Variants in ANTXR2 observed in about 807,000 individuals in gnomAD.
The protein encoded by ANTXR2 is ANTXR cell adhesion molecule 2.
ANTXR2 carries 44 observed loss-of-function variants against 73.7 expected under a neutral mutation model. The observed-to-expected ratio is 0.60, with a 90% CI of 0.47 to 0.77. The LOEUF (loss-of-function observed/expected upper bound fraction) is 0.77, where lower values mean the gene tolerates loss of function less well. Among genes scored for constraint, ANTXR2 ranks in the 30% least tolerant of loss-of-function variants. ANTXR2 has a pLI of 0.00. For missense variants in ANTXR2, 604 were observed against 592.5 expected, an observed-to-expected ratio of 1.02 and a Z score of -0.20; for synonymous variants, 217 against 205.9, an observed-to-expected ratio of 1.05 and a Z score of -0.46.
At chr4:80,040,806 C>A (rs1366498142) in intron 7 of ANTXR2, among the ~76,000 whole-genome samples, 7 of 151,342 alleles carry the variant, frequency 4.6e-5, no homozygotes, top group African/African-American at 1.2e-4. Flanking sequence ...CCTGATATCA[C>A]CATGAAAAAG....
At chr4:80,054,671 C>T (rs539619183) in intron 6 of ANTXR2, among the ~76,000 whole-genome samples, 18 of 151,658 alleles carry the variant, frequency 1.2e-4, no homozygotes, top group African/African-American at 3.4e-4. Flanking sequence ...AAAATTTAAA[C>T]GTAAAATAAC....
chr4:80,069,367 G>A (rs1734673911), intron 3 of ANTXR2, 69 bp downstream of exon 3: 2 of 1,277,724 alleles, frequency 1.6e-6, no homozygotes, highest in African/African-American at 1.5e-5. Flanking sequence ...ATCACCACTT[G>A]GAAATATCAA....
At chr4:80,034,423 T>C (rs992130599) in intron 8 of ANTXR2, among the ~76,000 whole-genome samples, 4 of 152,014 alleles carry the variant, frequency 2.6e-5, no homozygotes, top group African/African-American at 9.7e-5. Context: ...ATTAGACAGA[T>C]CCAAATCAGA....
intron 10 of ANTXR2, among the ~76,000 whole-genome samples, chr4:80,030,127 T>C (rs1301883716): frequency 5.3e-5 from 8 of 151,960 alleles, no homozygotes; most frequent in Non-Finnish European, 8.8e-5. Flanking sequence ...GGTAGCAGTA[T>C]AGGTAGAAAG....
At chr4:80,058,683 A>AT (rs1427834214) in intron 3 of ANTXR2, among the ~76,000 whole-genome samples, 2 of 151,826 alleles carry the variant, frequency 1.3e-5, no homozygotes, top group Non-Finnish European at 2.9e-5. Flanking sequence ...TAATGTTAAA[A>AT]AAAAAAGCCT....
chr4:80,006,759 A>G (rs1461622701), intron 12 of ANTXR2, among the ~76,000 whole-genome samples: 1 of 152,132 alleles, frequency 6.6e-6, no homozygotes, highest in Non-Finnish European at 1.5e-5. Context: ...ATATTTGAGC[A>G]CATTTCATTT....
intron 14 of ANTXR2, among the ~76,000 whole-genome samples, chr4:79,983,099 G>A (rs1052204706): frequency 1.3e-5 from 2 of 152,060 alleles, no homozygotes; most frequent in Admixed American, 6.5e-5. Context: ...TAATCAGAAG[G>A]AAAATTATGA....
intron 16 of ANTXR2, among the ~76,000 whole-genome samples, chr4:79,963,203 T>A (rs889969240): frequency 1.3e-5 from 2 of 152,138 alleles, no homozygotes; most frequent in Non-Finnish European, 2.9e-5. Flanking sequence ...GCAAGGCCAG[T>A]GTGAGCCTGA....
At chr4:79,995,065 C>G (rs772536311) in intron 12 of ANTXR2, among the ~76,000 whole-genome samples, 29 of 152,030 alleles carry the variant, frequency 1.9e-4, no homozygotes, top group East Asian at 3.9e-4. Context: ...CCCACCAACT[C>G]CCTGTTGTTT....
At position 79,926,215 on chromosome 4, in the gene ANTXR2, A is replaced by G. The variant is rs1727774911; in HGVS notation, c.1429-18748T>C. On this transcript the variant is annotated intron_variant, in intron 16 of 16. Coordinates refer to ENST00000403729, the MANE Select transcript of ANTXR2 (RefSeq NM_058172.6). ...AGAATTAACACCCTATATTTGGTTC[A>G]CATGTTCTTGTGTATGTTTCTGAAG... Among the ~76,000 whole-genome samples the G allele has an allele frequency of 2.6e-5, 4 of 152,134 alleles. No individual in the cohort carries two copies. The South Asian group carries it at 8.3e-4, about 31-fold the overall frequency.
At chr4:79,933,906 G>T (rs1168845184) in intron 16 of ANTXR2, among the ~76,000 whole-genome samples, 14 of 151,318 alleles carry the variant, frequency 9.3e-5, no homozygotes, top group South Asian at 4.2e-4. Context: ...GGCTAATTTT[G>T]TTTTTGTATT....
At chr4:79,916,713 T>C (rs1727367973) in intron 16 of ANTXR2, among the ~76,000 whole-genome samples, 2 of 152,072 alleles carry the variant, frequency 1.3e-5, no homozygotes, top group African/African-American at 4.8e-5. Context: ...ATGCTATAAA[T>C]AATATACATC....
At chr4:79,913,871 A>G (rs1727244590) in intron 16 of ANTXR2, among the ~76,000 whole-genome samples, 1 of 152,116 alleles carries the variant, frequency 6.6e-6, no homozygotes, top group African/African-American at 2.4e-5. Flanking sequence ...ACTCTTATCT[A>G]TCTTTTAAAA....
intron 16 of ANTXR2, among the ~76,000 whole-genome samples, chr4:79,973,181 G>T (rs1257326986): frequency 6.6e-6 from 1 of 152,172 alleles, no homozygotes; most frequent in East Asian, 1.9e-4. Context: ...AAAATAGTAT[G>T]GTTTCCTAAT....
intron 7 of ANTXR2, among the ~76,000 whole-genome samples, chr4:80,048,071 A>T (rs1276214536): frequency 6.6e-6 from 1 of 151,622 alleles, no homozygotes; most frequent in African/African-American, 2.4e-5. Context: ...AAGAACTTGC[A>T]TAGATTTTTA....
Position 80,005,336 on chromosome 4 carries a change from AAAAAG to A in ANTXR2, c.1041+3180_1041+3184del, listed in dbSNP as rs139571738. ...ACTAGTTCTTAAAACATATTCAAGC[AAAAAG>A]AAATTTGCACAACACCACGCTGATA... is the stretch of plus-strand genomic sequence containing the variant. On this transcript the variant is annotated intron_variant, in intron 12 of 16. Transcript: ENST00000403729. Among the ~76,000 whole-genome samples, 130 of 152,284 alleles carry A rather than the reference AAAAAG, an allele frequency of 8.5e-4. 1 individual carries two copies. The highest frequency in any genetic ancestry group is 3.0e-3 in the African/African-American group (125 of 41,566).
At chr4:79,976,236 T>A (rs1181057526) in intron 16 of ANTXR2, among the ~76,000 whole-genome samples, 1 of 151,836 alleles carries the variant, frequency 6.6e-6, no homozygotes, top group Non-Finnish European at 1.5e-5. Context: ...AAAAAAAAAA[T>A]CCCCTGAAGT....
At chr4:79,908,533 A>G (rs1394692320) in intron 16 of ANTXR2, among the ~76,000 whole-genome samples, 1 of 152,202 alleles carries the variant, frequency 6.6e-6, no homozygotes. Context: ...TTAGTGAAGA[A>G]ACAGAAAAGC....
At chr4:79,986,615 T>A (rs1730172610) in intron 12 of ANTXR2, among the ~76,000 whole-genome samples, 1 of 152,140 alleles carries the variant, frequency 6.6e-6, no homozygotes, top group African/African-American at 2.4e-5. Flanking sequence ...CGCTGCCCTG[T>A]TGGTTTTCAT....
Sources: gnomAD v4.1 joint callset for allele counts (sites outside exome capture counted in the v4.1 genomes callset) on GRCh38, gnomAD v4.1.1 for gene constraint, MANE v1.5 for transcripts, NCBI Gene and HGNC (gene_info 2026-07-23, HGNC 2026-07-21) for gene names.